SHISA9: variants seen among roughly 807,000 people sequenced by gnomAD.
SHISA9 encodes the protein protein shisa-9.
Under a neutral mutation model 38.0 loss-of-function variants are expected in SHISA9, and 13 were observed. That is an observed-to-expected ratio of 0.34 (90% CI 0.22 to 0.54). The LOEUF is 0.54. Among genes scored for constraint, SHISA9 ranks in the 20% least tolerant of loss-of-function variants. The pLI, the probability that SHISA9 is intolerant of heterozygous loss-of-function variation, is 0.91. For missense variants in SHISA9, 538 were observed against 575.8 expected, an observed-to-expected ratio of 0.93 and a Z score of 0.67; for synonymous variants, 275 against 242.0, an observed-to-expected ratio of 1.14 and a Z score of -1.27.
chr16:13,528,671 C>T, the SHISA9 span, among the ~76,000 whole-genome samples: 6 of 152,154 alleles, frequency 3.9e-5, no homozygotes, highest in African/African-American at 1.4e-4. Context: ...CATAAATGAC[C>T]TGCAGCAAGC....
the SHISA9 span, among the ~76,000 whole-genome samples, chr16:13,530,538 T>A: frequency 0.048 from 7,265 of 152,196 alleles, 276 homozygotes; most frequent in African/African-American, 0.11. Context: ...TTTCTATCCT[T>A]GTTGGTAGCA....
At chr16:13,187,044 A>G (rs747961185) in intron 2 of SHISA9, among the ~76,000 whole-genome samples, 3 of 152,168 alleles carry the variant, frequency 2.0e-5, no homozygotes, top group Non-Finnish European at 1.5e-5. Flanking sequence ...GGGTCTACAA[A>G]TACCACTTCG....
chr16:13,455,034 C>G, the SHISA9 span, among the ~76,000 whole-genome samples: 1 of 151,972 alleles, frequency 6.6e-6, no homozygotes, highest in Non-Finnish European at 1.5e-5. Context: ...ATCATATCCC[C>G]TAAGTCATTT....
the SHISA9 span, among the ~76,000 whole-genome samples, chr16:13,400,340 C>A: frequency 6.8e-6 from 1 of 146,052 alleles, no homozygotes; most frequent in African/African-American, 2.6e-5. Context: ...TATTCTCTTC[C>A]CTGTCTCTCT....
chr16:13,230,367 A>G (rs776703274), intron 4 of SHISA9, among the ~76,000 whole-genome samples: 22 of 152,220 alleles, frequency 1.4e-4, no homozygotes, highest in Non-Finnish European at 1.5e-4. Context: ...GAAGGAGAAC[A>G]ATGTTCAAAG....
the SHISA9 span, among the ~76,000 whole-genome samples, chr16:13,354,895 T>G: frequency 1.5e-4 from 23 of 152,154 alleles, no homozygotes; most frequent in African/African-American, 5.3e-4. Context: ...GGAAAAAATT[T>G]GGGCTTGATT....
chr16:13,390,273 C>A, the SHISA9 span, among the ~76,000 whole-genome samples: 35 of 152,220 alleles, frequency 2.3e-4, no homozygotes, highest in Admixed American at 2.2e-3. Flanking sequence ...CACGCCAGAA[C>A]CAAACCTGCA....
chr16:13,521,768 A>G, the SHISA9 span, among the ~76,000 whole-genome samples: 2 of 152,208 alleles, frequency 1.3e-5, no homozygotes, highest in South Asian at 2.1e-4. Flanking sequence ...TGTTACGTTC[A>G]ATGCTCTTAA....
At chr16:13,347,842 C>CA in the SHISA9 span, among the ~76,000 whole-genome samples, 1,344 of 70,656 alleles carry the variant, frequency 0.019, 21 homozygotes, top group African/African-American at 0.043. Context: ...ATAACGTACC[C>CA]CCCCACAAAG....
chr16:13,032,609 TG>T (rs2073005276), intron 2 of SHISA9, among the ~76,000 whole-genome samples: 1 of 152,224 alleles, frequency 6.6e-6, no homozygotes, highest in Non-Finnish European at 1.5e-5. Flanking sequence ...GCAGCAGAAC[TG>T]ACTGTGTAAT....
intron 3 of SHISA9, among the ~76,000 whole-genome samples, chr16:13,206,553 T>C (rs2051065805): frequency 6.6e-6 from 1 of 152,218 alleles, no homozygotes; most frequent in Non-Finnish European, 1.5e-5. Flanking sequence ...TCCTAGGTGC[T>C]TAGCCAGTGC....
chr16:13,356,066 C>G, the SHISA9 span, among the ~76,000 whole-genome samples: 1 of 152,186 alleles, frequency 6.6e-6, no homozygotes, highest in Admixed American at 6.5e-5. Flanking sequence ...GGAGGAACAC[C>G]TGGCCACTGC....
intron 2 of SHISA9, among the ~76,000 whole-genome samples, chr16:13,171,816 A>G (rs1250465132): frequency 6.6e-6 from 1 of 152,128 alleles, no homozygotes; most frequent in African/African-American, 2.4e-5. Flanking sequence ...GTTTGCATAT[A>G]TGTGTTGACA....
intron 2 of SHISA9, among the ~76,000 whole-genome samples, chr16:12,943,094 T>G (rs2071633072): frequency 6.6e-6 from 1 of 152,042 alleles, no homozygotes; most frequent in African/African-American, 2.4e-5. Flanking sequence ...TTGAAAACCC[T>G]TGGAAAGTCC....
chr16:13,210,253 T>C (rs1213922845), intron 3 of SHISA9, among the ~76,000 whole-genome samples: 1 of 152,198 alleles, frequency 6.6e-6, no homozygotes, highest in Non-Finnish European at 1.5e-5. Context: ...CATTTATCTT[T>C]CATTAGCCCC....
At chr16:13,006,112 T>G (rs1290511090) in intron 2 of SHISA9, among the ~76,000 whole-genome samples, 1 of 152,146 alleles carries the variant, frequency 6.6e-6, no homozygotes, top group East Asian at 1.9e-4. Flanking sequence ...CAGATGAGCT[T>G]TTATTAGCTA....
chr16:13,272,092 AG>A, the SHISA9 span, among the ~76,000 whole-genome samples: 5 of 79,632 alleles, frequency 6.3e-5, no homozygotes, highest in African/African-American at 1.6e-4. Context: ...AAAAAAAAAA[AG>A]AGAGAGAGAA....
intron 2 of SHISA9, among the ~76,000 whole-genome samples, chr16:13,105,408 C>T (rs968046912): frequency 2.7e-4 from 41 of 152,278 alleles, no homozygotes; most frequent in South Asian, 2.1e-3. Flanking sequence ...CCCTCCCTCC[C>T]ACTTGCTTAC....
At position 13,236,379 on chromosome 16, in the gene SHISA9, A is replaced by T. The variant is rs1170111450; in HGVS notation, c.*970A>T. 1 of 151,730 alleles carries T rather than the reference A, an allele frequency of 6.6e-6. No individual in the cohort carries two copies. The highest frequency in any genetic ancestry group is 1.9e-4 in the East Asian group (1 of 5,152). 9.4% of individuals were successfully genotyped at this position (151,730 alleles called of 1,614,324 possible). A position where few individuals can be genotyped will look rare whatever the true frequency, so the allele number is the denominator to read the frequency against. On this transcript the variant is annotated 3_prime_UTR_variant, in exon 5 of 5. Transcript: ENST00000558583. Reference sequence around the variant, plus strand: ...CCACAGTTGGAAAAGTCCACAGGAGATCAGATGAGGATCCAGAAGCCTCTG... The same window carrying T: ...CCACAGTTGGAAAAGTCCACAGGAGTTCAGATGAGGATCCAGAAGCCTCTG...
Sources: allele counts gnomAD v4.1 joint callset (sites outside exome capture counted in the v4.1 genomes callset), GRCh38; gene constraint gnomAD v4.1.1; transcripts MANE v1.5; gene names NCBI Gene and HGNC (gene_info 2026-07-23, HGNC 2026-07-21).